Variants in TXNDC15 observed in about 807,000 individuals in gnomAD.
TXNDC15 encodes the protein thioredoxin domain-containing protein 15.
A neutral mutation model predicts 35.0 loss-of-function variants in TXNDC15; 24 were observed. That is an observed-to-expected ratio of 0.68 (90% confidence interval 0.50 to 0.96). TXNDC15 has a LOEUF of 0.96. TXNDC15 is among the 40% of genes least tolerant of loss of function. TXNDC15 has a pLI of 0.00. For synonymous variants in TXNDC15, 169 were observed against 174.0 expected (o/e 0.97, Z 0.23); for missense variants, 385 against 453.3 (o/e 0.85, Z 1.37).
intron 1 of TXNDC15, among the ~76,000 whole-genome samples, chr5:134,879,843 G>A (rs1750106414): frequency 6.8e-6 from 1 of 147,686 alleles, no homozygotes; most frequent in Non-Finnish European, 1.5e-5. Flanking sequence ...CACCCAGGCT[G>A]GAGTGCAGTG....
chr5:134,879,631 G>A (rs760279151), intron 1 of TXNDC15, among the ~76,000 whole-genome samples: 10 of 152,050 alleles, frequency 6.6e-5, no homozygotes, highest in Non-Finnish European at 1.2e-4. Flanking sequence ...ATGTGATCCC[G>A]CCCCTCCACC....
chr5:134,875,592 G>GCTTA (rs1750018518), intron 1 of TXNDC15, among the ~76,000 whole-genome samples: 2 of 152,058 alleles, frequency 1.3e-5, no homozygotes, highest in Admixed American at 6.6e-5. Context: ...GAACTCCTGG[G>GCTTA]CTTAAGTGAT....
rs1301938129 is a variant in TXNDC15 at position 134,901,301 on chromosome 5, T to C, written c.*1616T>C. The C allele has an allele frequency of 6.6e-6, 1 of 152,232 alleles. No homozygotes were observed. Among genetic ancestry groups the C allele is most frequent in the Admixed American group, 6.5e-5 (1 of 15,286 alleles). 9.4% of individuals were successfully genotyped at this position (152,232 alleles called of 1,614,324 possible). A position where few individuals can be genotyped will look rare whatever the true frequency, so the allele number is the denominator to read the frequency against. ...TACAATGAATGGGAGTTTACAACTT[T>C]TATGTGTCATGTTTCCAACAGCTGT... On this transcript the variant is annotated 3_prime_UTR_variant, in exon 5 of 5. Transcript: ENST00000358387.
In TXNDC15 at chr5:134,887,743, C is replaced by G. The variant is rs750719595; in HGVS notation, c.152C>G (p.Pro51Arg). 1.2e-6 allele frequency: 2 copies of G among 1,610,566 alleles called. No individual in the cohort carries two copies. The highest frequency in any genetic ancestry group is 1.3e-5 in the African/African-American group (1 of 74,992). ...TGGTCAGAGGAGCAGCCTGCTCACC[C>G]TCTCCAGGTGGGGGCTGTGTACCTG... ...RLWSEEQPAH[P>R]LQVGAVYLGE... Residue 51 changes from proline (P) to arginine (R), a missense_variant, in exon 2 of 5, where the codon CCT becomes CGT. Pro to Arg is a moderately radical substitution (Grantham distance 103, BLOSUM62 -2). Transcript: ENST00000358387.
intron 1 of TXNDC15, among the ~76,000 whole-genome samples, chr5:134,882,287 C>T (rs1214913507): frequency 7.9e-5 from 12 of 151,684 alleles, no homozygotes; most frequent in African/African-American, 2.2e-4. Context: ...GATGGGATGG[C>T]GGCCGGGAAG....
chr5:134,885,505 A>G (rs1198110598), intron 1 of TXNDC15, among the ~76,000 whole-genome samples: 1 of 152,110 alleles, frequency 6.6e-6, no homozygotes, highest in Admixed American at 6.6e-5. Context: ...GGCACTGGGT[A>G]GTTTACTCAC....
Position 134,887,984 on chromosome 5 carries a change from C to G in TXNDC15, c.393C>G (p.Phe131Leu), listed in dbSNP as rs1750311607. The G allele has an allele frequency of 2.5e-6, 4 of 1,614,116 alleles. No individual in the cohort carries two copies. The highest frequency in any genetic ancestry group is 1.3e-5 in the African/African-American group (1 of 74,936). The change falls in exon 2 of 5, where the codon TTC (phenylalanine) becomes TTG (leucine). Residue 131 changes from phenylalanine to leucine, a missense_variant. Phe to Leu is a conservative substitution (Grantham distance 22). Transcript: ENST00000358387. Reference protein sequence around the residue: ...DSRCNVRESLFSLDGAGAHFP... With the variant: ...DSRCNVRESLLSLDGAGAHFP... Reference sequence around the variant, plus strand: ...GGTGCAACGTCCGAGAGAGCCTTTTCTCTCTGGATGGCGCTGGAGCACACT... The same window carrying G: ...GGTGCAACGTCCGAGAGAGCCTTTTGTCTCTGGATGGCGCTGGAGCACACT...
chr5:134,898,681 A>G (rs567881243), intron 4 of TXNDC15, among the ~76,000 whole-genome samples: 1 of 152,342 alleles, frequency 6.6e-6, no homozygotes, highest in African/African-American at 2.4e-5. Flanking sequence ...TCAGTGCTCT[A>G]AGAAAACCTA....
intron 1 of TXNDC15, among the ~76,000 whole-genome samples, chr5:134,878,334 C>A (rs1182595147): frequency 6.6e-6 from 1 of 152,186 alleles, no homozygotes; most frequent in Non-Finnish European, 1.5e-5. Context: ...GTGGCAGGGA[C>A]CATACACATC....
At chr5:134,878,765 GA>G (rs1306068809) in intron 1 of TXNDC15, among the ~76,000 whole-genome samples, 1 of 152,224 alleles carries the variant, frequency 6.6e-6, no homozygotes, top group Non-Finnish European at 1.5e-5. Context: ...CTGGGAGGCC[GA>G]GGTGGCTGGA....
chr5:134,894,441 C>A (rs772443254), intron 3 of TXNDC15, among the ~76,000 whole-genome samples: 4 of 149,246 alleles, frequency 2.7e-5, no homozygotes, highest in Non-Finnish European at 5.9e-5. Flanking sequence ...GATCTAGGCT[C>A]ACTGCAACCT....
At chr5:134,894,756 T>C (rs1230552740) in intron 3 of TXNDC15, among the ~76,000 whole-genome samples, 2 of 152,198 alleles carry the variant, frequency 1.3e-5, no homozygotes, top group African/African-American at 4.8e-5. Flanking sequence ...TAAACTGTTC[T>C]TCTCTTCCAA....
chr5:134,874,285 A>G (rs540261436), upstream of TXNDC15: 1,566 of 661,338 alleles, frequency 2.4e-3, 2 homozygotes, highest in Non-Finnish European at 2.6e-3. Flanking sequence ...GCCCGACTCC[A>G]AGATGGCGCC....
chr5:134,874,436 G>A lies in TXNDC15; in HGVS notation c.9G>A (p.Pro3=), dbSNP rs982005907. The change falls in exon 1 of 5, where the codon CCG becomes CCA. Residue 3 remains proline (P), a synonymous_variant. Coordinates refer to ENST00000358387, the MANE Select transcript of TXNDC15 (RefSeq NM_024715.4). MV[P]AAGRRPPRVM... ...GCCTCTCGGCCTGGGCAATGGTCCC[G>A]GCTGCCGGTCGACGACCGCCCCGCG... 2 of 1,600,468 alleles carry A rather than the reference G, an allele frequency of 1.2e-6. No individual in the cohort carries two copies.
At chr5:134,893,377 T>C in intron 2 of TXNDC15, 115 bp from the exon 3 acceptor site, 1 of 1,286,328 alleles carries the variant, frequency 7.8e-7, no homozygotes, top group Non-Finnish European at 1.1e-6. Context: ...CTTCTCTCGC[T>C]GCTCCTACCC....
intron 4 of TXNDC15, 110 bp from the exon 5 acceptor site, chr5:134,899,379 A>G: frequency 1.2e-6 from 1 of 844,202 alleles, no homozygotes; most frequent in Admixed American, 2.6e-5. Context: ...ACTAGTGGCA[A>G]TGCTTATTTT....
chr5:134,898,055 C>T (rs912725521), intron 4 of TXNDC15, among the ~76,000 whole-genome samples: 1 of 152,076 alleles, frequency 6.6e-6, no homozygotes, highest in African/African-American at 2.4e-5. Flanking sequence ...TACCAGCCTC[C>T]CTTCAGCACC....
chr5:134,874,309 A>T, upstream of TXNDC15: 3 of 764,122 alleles, frequency 3.9e-6, 1 homozygote, highest in South Asian at 3.9e-5. Flanking sequence ...CACAGCTGCC[A>T]GGTGTTAAGA....
At chr5:134,899,439 G>A in intron 4 of TXNDC15, 50 bp from the exon 5 acceptor site, 1 of 1,545,144 alleles carries the variant, frequency 6.5e-7, no homozygotes, top group East Asian at 2.3e-5. Flanking sequence ...AGAAAAATCT[G>A]TGGTGGGTGC....
Sources: allele counts gnomAD v4.1 joint callset (sites outside exome capture counted in the v4.1 genomes callset), GRCh38; gene constraint gnomAD v4.1.1; transcripts MANE v1.5; gene names NCBI Gene and HGNC (gene_info 2026-07-23, HGNC 2026-07-21).